The following TMEM164 variants were observed in gnomAD, a reference collection of about 807,000 sequenced individuals.
The protein encoded by TMEM164 is transmembrane protein 164.
TMEM164 carries 4 observed loss-of-function variants against 18.8 expected under a neutral mutation model. The observed-to-expected ratio is 0.21, with a 90% CI of 0.10 to 0.49. The LOEUF (loss-of-function observed/expected upper bound fraction) is 0.49. Ranked by LOEUF, TMEM164 falls within the 20% of genes least tolerant of loss-of-function variation. TMEM164 has a pLI of 0.98. For synonymous variants in TMEM164, 86 were observed against 101.7 expected, an observed-to-expected ratio of 0.85 and a Z score of 0.93; for missense variants, 108 against 239.9, an observed-to-expected ratio of 0.45 and a Z score of 3.63.
At chrX:110,064,983 T>G (rs1602557326) in intron 2 of TMEM164, 2 of 65,584 alleles carry the variant, frequency 3.0e-5, no homozygotes, top group African/African-American at 6.2e-5. Flanking sequence ...GATAACAGAG[T>G]GAGACTTTCT....
chrX:110,078,875 G>A (rs775389794), intron 3 of TMEM164, among the ~76,000 whole-genome samples: 186 of 111,223 alleles, frequency 1.7e-3, no homozygotes, highest in African/African-American at 5.8e-3. Context: ...AATATGAGGA[G>A]ATTTCAAAAA....
intron 4 of TMEM164, among the ~76,000 whole-genome samples, chrX:110,131,567 C>G (rs1044202525): frequency 9.0e-6 from 1 of 111,192 alleles, no homozygotes; most frequent in Non-Finnish European, 1.9e-5. Flanking sequence ...TCCCCTTGTT[C>G]CACTACCTAA....
downstream of TMEM164, chrX:110,182,311 A>G (rs185520434): frequency 3.6e-5 from 4 of 111,482 alleles, no homozygotes; most frequent in Admixed American, 3.8e-4. Context: ...GCCAGCATCC[A>G]CCCAGGCCAG....
intron 5 of TMEM164, among the ~76,000 whole-genome samples, chrX:110,153,555 T>A: frequency 9.0e-6 from 1 of 111,517 alleles, no homozygotes; most frequent in Non-Finnish European, 1.9e-5. Context: ...AATACAGTCA[T>A]CTCTCGGTAT....
At position 110,173,385 on chromosome X, in the gene TMEM164, C is replaced by T; in HGVS notation, c.828C>T (p.Tyr276=). 3 of 1,211,818 alleles carry T rather than the reference C, an allele frequency of 2.5e-6. No homozygotes were observed. The highest frequency in any genetic ancestry group is 3.3e-6 in the Non-Finnish European group (3 of 895,547). The change falls in exon 7 of 7, where the codon TAC becomes TAT. Residue 276 remains tyrosine (Y), a synonymous_variant. Transcript: ENST00000372068. ...THGKLVILFS[Y]MAGPLCKYLL... ...GGAAGCTGGTCATCCTGTTCTCATACATGGCTGGGCCCTTGTGTAAATATC... is the reference window on the plus strand; with the variant it reads ...GGAAGCTGGTCATCCTGTTCTCATATATGGCTGGGCCCTTGTGTAAATATC...
chrX:110,087,420 G>A (rs1194578536), intron 3 of TMEM164, among the ~76,000 whole-genome samples: 2 of 111,775 alleles, frequency 1.8e-5, no homozygotes, highest in East Asian at 5.6e-4. Flanking sequence ...GAGTGCAGTG[G>A]CGTGATCATG....
chrX:110,114,995 T>C (rs2066341086), intron 4 of TMEM164, among the ~76,000 whole-genome samples: 1 of 111,943 alleles, frequency 8.9e-6, no homozygotes, highest in Non-Finnish European at 1.9e-5. Flanking sequence ...GATGGGATGG[T>C]TCTTTTGAGT....
At chrX:110,040,542 T>G (rs1935042403) in intron 2 of TMEM164, among the ~76,000 whole-genome samples, 1 of 112,076 alleles carries the variant, frequency 8.9e-6, no homozygotes, top group Non-Finnish European at 1.9e-5. Context: ...TAAGGAGTTG[T>G]ATACAGAGTC....
At chrX:110,028,932 G>C (rs1934326251) in intron 2 of TMEM164, among the ~76,000 whole-genome samples, 1 of 111,511 alleles carries the variant, frequency 9.0e-6, no homozygotes, top group African/African-American at 3.3e-5. Context: ...ATATATTTTT[G>C]AGGTTGTGTT....
chrX:110,158,134 A>G (rs1056749749), intron 5 of TMEM164, among the ~76,000 whole-genome samples: 2 of 111,663 alleles, frequency 1.8e-5, no homozygotes, highest in African/African-American at 3.3e-5. Context: ...TGATCCACCC[A>G]CTTCAGCCTC....
At chrX:110,041,881 A>T (rs1053833454) in intron 2 of TMEM164, among the ~76,000 whole-genome samples, 40 of 111,524 alleles carry the variant, frequency 3.6e-4, no homozygotes, top group African/African-American at 1.3e-3. Flanking sequence ...CACCACCCCC[A>T]AAGATTCCGC....
chrX:110,174,677 C>A lies in TMEM164; in HGVS notation c.*1226C>A, dbSNP rs995764634. On this transcript the variant is annotated 3_prime_UTR_variant, in exon 7 of 7. Transcript: ENST00000372068. ...GGGGGCTGCCAAAGAATTAAGTCCTCATGGGTGGAGGTTCAGGTGCTCCAC... is the reference window on the plus strand; with the variant it reads ...GGGGGCTGCCAAAGAATTAAGTCCTAATGGGTGGAGGTTCAGGTGCTCCAC... The A allele has an allele frequency of 9.0e-6, 1 of 110,885 alleles. No individual in the cohort carries two copies. The highest frequency in any genetic ancestry group is 2.8e-4 in the East Asian group (1 of 3,524). The allele number at this position is 110,885 out of a possible 1,213,427, so 9.1% of individuals were successfully genotyped here.
At chrX:110,093,858 A>G in intron 3 of TMEM164, among the ~76,000 whole-genome samples, 1 of 112,035 alleles carries the variant, frequency 8.9e-6, no homozygotes, top group Non-Finnish European at 1.9e-5. Flanking sequence ...TCAGCTTTAA[A>G]TGTGTCCCAG....
intron 2 of TMEM164, among the ~76,000 whole-genome samples, chrX:110,040,233 A>C (rs1464102528): frequency 2.7e-5 from 3 of 112,555 alleles, no homozygotes; most frequent in Non-Finnish European, 5.6e-5. Context: ...CAAAAAGTAC[A>C]TTCCACGGAG....
intron 2 of TMEM164, among the ~76,000 whole-genome samples, chrX:110,052,298 G>A (rs1935596219): frequency 9.0e-6 from 1 of 111,564 alleles, no homozygotes; most frequent in Admixed American, 9.5e-5. Flanking sequence ...GTATATTTAT[G>A]TTTGGTTGTT....
chrX:110,052,745 G>GTTTTTTTT (rs34292132), intron 2 of TMEM164, among the ~76,000 whole-genome samples: 4 of 68,816 alleles, frequency 5.8e-5, no homozygotes, highest in Non-Finnish European at 8.1e-5. Flanking sequence ...ACATGCATCT[G>GTTTTTTTT]TTTTTTTTTT....
Position 110,171,482 on chromosome X carries a change from T to C in TMEM164, c.649T>C (p.Phe217Leu). Residue 217 changes from phenylalanine to leucine, a missense_variant, in exon 6 of 7, where the codon TTC becomes CTC. Transcript: ENST00000372068. ...RWALLSTGLM[F>L]FYHFSVLQIL... ...GGCTCTTCTCTCAACTGGCCTCATGTTCTTTTATCACTTCAGCGTCTTGCA... is the reference window on the plus strand; with the variant it reads ...GGCTCTTCTCTCAACTGGCCTCATGCTCTTTTATCACTTCAGCGTCTTGCA... The C allele has an allele frequency of 8.3e-7, 1 of 1,211,690 alleles. No individual in the cohort carries two copies. Among genetic ancestry groups the C allele is most frequent in the Non-Finnish European group, 1.1e-6 (1 of 895,213 alleles).
intron 5 of TMEM164, among the ~76,000 whole-genome samples, chrX:110,160,606 G>C (rs993411429): frequency 1.8e-5 from 2 of 112,030 alleles, no homozygotes; most frequent in Non-Finnish European, 1.9e-5. Context: ...TGGGGTGCAG[G>C]GGGTGGGGTG....
At chrX:110,109,813 A>C (rs1244551450) in intron 4 of TMEM164, among the ~76,000 whole-genome samples, 5 of 111,793 alleles carry the variant, frequency 4.5e-5, no homozygotes, top group Admixed American at 1.9e-4. Flanking sequence ...CTGGGTGATA[A>C]ACCAGCCCAG....
Sources: allele counts gnomAD v4.1 joint callset (sites outside exome capture counted in the v4.1 genomes callset), GRCh38; gene constraint gnomAD v4.1.1; transcripts MANE v1.5; gene names NCBI Gene and HGNC (gene_info 2026-07-23, HGNC 2026-07-21).